Variants in SLCO1C1 observed in about 807,000 individuals in gnomAD.
SLCO1C1 encodes OAT-RP-5.
SLCO1C1 carries 70 observed loss-of-function variants against 76.4 expected under a neutral mutation model. That is an observed-to-expected ratio of 0.92 (90% CI 0.76 to 1.12). The LOEUF (loss-of-function observed/expected upper bound fraction) is 1.12. Among genes scored for constraint, SLCO1C1 ranks in the 50% most tolerant of loss-of-function variants. The probability of loss-of-function intolerance (pLI) is 0.00; values close to 1 mark genes in which losing one functional copy is unlikely to be tolerated. For synonymous variants in SLCO1C1, 306 were observed against 286.1 expected (o/e 1.07, Z -0.70); for missense variants, 912 against 823.8 (o/e 1.11, Z -1.31).
chr12:20,718,084 A>T (rs80095547), intron 7 of SLCO1C1, among the ~76,000 whole-genome samples: 3,615 of 152,274 alleles, frequency 0.024, 143 homozygotes, highest in African/African-American at 0.083. Flanking sequence ...ACTTTATGCC[A>T]GGTGCTATTC....
intron 9 of SLCO1C1, among the ~76,000 whole-genome samples, chr12:20,727,889 C>T (rs1262234991): frequency 6.6e-6 from 1 of 152,096 alleles, no homozygotes; most frequent in Non-Finnish European, 1.5e-5. Flanking sequence ...CTTGTTGTTT[C>T]GTTTAAGTTC....
chr12:20,705,334 G>T (rs1259124200), intron 3 of SLCO1C1, among the ~76,000 whole-genome samples: 2 of 151,842 alleles, frequency 1.3e-5, no homozygotes, highest in Non-Finnish European at 2.9e-5. Context: ...ATATGTTGAG[G>T]TTATATAATT....
intron 13 of SLCO1C1, among the ~76,000 whole-genome samples, chr12:20,743,746 T>C (rs1455828631): frequency 2.0e-5 from 3 of 152,042 alleles, no homozygotes; most frequent in African/African-American, 7.2e-5. Context: ...TTTCAGTTAT[T>C]AAAATGGAAA....
intron 13 of SLCO1C1, among the ~76,000 whole-genome samples, chr12:20,749,919 A>G (rs1472948170): frequency 6.6e-6 from 1 of 152,234 alleles, no homozygotes; most frequent in Non-Finnish European, 1.5e-5. Flanking sequence ...AATGTGAATA[A>G]GAGAAAATCA....
chr12:20,701,167 A>G, intron 2 of SLCO1C1, 151 bp from the exon 3 acceptor site: 1 of 721,708 alleles, frequency 1.4e-6, no homozygotes, highest in Non-Finnish European at 2.0e-6. Flanking sequence ...GGAAACCTCG[A>G]ACAGTGTTTG....
intron 12 of SLCO1C1, 126 bp from the exon 13 acceptor site, chr12:20,743,179 G>C: frequency 1.2e-6 from 1 of 809,442 alleles, no homozygotes; most frequent in Non-Finnish European, 2.0e-6. Context: ...GCACACCAAT[G>C]GGTTCAACAT....
At position 20,721,873 on chromosome 12, in the gene SLCO1C1, G is replaced by A; in HGVS notation, c.845G>A (p.Gly282Glu). Reference sequence around the variant, plus strand: ...TGGTGGCTTGGCTATCTAATAGCAGGAATCATAAGTCTTCTTGCAGCTGTG... The same window carrying A: ...TGGTGGCTTGGCTATCTAATAGCAGAAATCATAAGTCTTCTTGCAGCTGTG... ...GAWWLGYLIA[G>E]IISLLAAVPF... The change falls in exon 8 of 15, where the codon GGA (glycine) becomes GAA (glutamate). Residue 282 changes from glycine (G) to glutamate (E), a missense_variant. Physicochemically the swap from Gly to Glu is moderately conservative, Grantham distance 98. Coordinates refer to ENST00000266509, the MANE Select transcript of SLCO1C1 (RefSeq NM_017435.5). The A allele has an allele frequency of 6.2e-7, 1 of 1,614,128 alleles. No individual in the cohort carries two copies. The highest frequency in any genetic ancestry group is 8.5e-7 in the Non-Finnish European group (1 of 1,180,018).
At chr12:20,701,172 T>A in intron 2 of SLCO1C1, 146 bp from the exon 3 acceptor site, 1 of 741,538 alleles carries the variant, frequency 1.3e-6, no homozygotes. Flanking sequence ...CCTCGAACAG[T>A]GTTTGAATTA....
chr12:20,749,029 A>C (rs879717694), intron 13 of SLCO1C1, among the ~76,000 whole-genome samples: 1 of 152,234 alleles, frequency 6.6e-6, no homozygotes, highest in Non-Finnish European at 1.5e-5. Context: ...CCAAAATTTT[A>C]GCAGCCATCG....
chr12:20,742,584 A>AG (rs5796882), intron 12 of SLCO1C1, among the ~76,000 whole-genome samples: 65,858 of 151,448 alleles, frequency 0.43, 16,993 homozygotes, highest in South Asian at 0.63. Context: ...CCCAGGCTGG[A>AG]GGGCAGTGGC....
At chr12:20,698,305 A>G (rs1245274122) in intron 1 of SLCO1C1, among the ~76,000 whole-genome samples, 1 of 152,000 alleles carries the variant, frequency 6.6e-6, no homozygotes, top group East Asian at 1.9e-4. Flanking sequence ...AATTAAAGTT[A>G]TGAATGCTTA....
chr12:20,702,787 A>G (rs919706275), intron 3 of SLCO1C1, among the ~76,000 whole-genome samples: 1 of 151,868 alleles, frequency 6.6e-6, no homozygotes, highest in Non-Finnish European at 1.5e-5. Context: ...AGATAAAAGA[A>G]TAGAGCAGAT....
At chr12:20,705,014 G>C (rs1946706681) in intron 3 of SLCO1C1, among the ~76,000 whole-genome samples, 1 of 151,914 alleles carries the variant, frequency 6.6e-6, no homozygotes, top group South Asian at 2.1e-4. Context: ...CCTGACCTCA[G>C]ATCCATGGAA....
intron 5 of SLCO1C1, 79 bp from the exon 6 acceptor site, chr12:20,715,060 T>C (rs1359208114): frequency 6.5e-7 from 1 of 1,538,732 alleles, no homozygotes; most frequent in Non-Finnish European, 8.9e-7. Context: ...CAGTTTAAGA[T>C]ATACGGTAGA....
chr12:20,752,744 T>C lies in SLCO1C1; in HGVS notation c.*216T>C, dbSNP rs768012399. On this transcript the variant is annotated 3_prime_UTR_variant, in exon 15 of 15. Transcript: ENST00000266509. ...AACTAATTTTGAACTTTTTAATTTA[T>C]ATAAATTATTTTATATCACTTACTT... The C allele has an allele frequency of 9.0e-5, 31 of 343,954 alleles. No individual in the cohort carries two copies. Among genetic ancestry groups the C allele is most frequent in the Non-Finnish European group, 1.5e-4 (30 of 193,690 alleles). The allele number at this position is 343,954 out of a possible 1,614,324, so 21.3% of individuals were successfully genotyped here. A position where few individuals can be genotyped will look rare whatever the true frequency, so the allele number is the denominator to read the frequency against.
At chr12:20,723,560 T>C (rs1334416564) in intron 9 of SLCO1C1, among the ~76,000 whole-genome samples, 1 of 152,136 alleles carries the variant, frequency 6.6e-6, no homozygotes, top group Non-Finnish European at 1.5e-5. Flanking sequence ...CCATTTTACA[T>C]GAACAGTTTC....
At chr12:20,724,552 T>C (rs892379537) in intron 9 of SLCO1C1, among the ~76,000 whole-genome samples, 2 of 147,586 alleles carry the variant, frequency 1.4e-5, no homozygotes, top group Non-Finnish European at 3.0e-5. Flanking sequence ...GTCAAAACTT[T>C]TCCCCAAAGC....
At chr12:20,715,453 GACACC>G (rs1329998931) in intron 6 of SLCO1C1, among the ~76,000 whole-genome samples, 168 bp downstream of exon 6, 7 of 152,156 alleles carry the variant, frequency 4.6e-5, no homozygotes, top group African/African-American at 1.7e-4. Flanking sequence ...GGATGATGAA[GACACC>G]ATAGTTAGAG....
chr12:20,699,764 C>CTA lies in SLCO1C1; in HGVS notation c.129+64_129+65dup, dbSNP rs909355405. ...TCTTAGTTTTCTGTCCAGATATCAT[C>CTA]TATATAATGAAGTTAGAATGAGAAT... On this transcript the variant is annotated intron_variant, in intron 2 of 14. Transcript: ENST00000266509. 2.6e-5 allele frequency: 38 copies of CTA among 1,466,796 alleles called. No individual in the cohort carries two copies. The African/African-American group carries it at 5.6e-4, about 21-fold the overall frequency. 90.9% of individuals were successfully genotyped at this position (1,466,796 alleles called of 1,614,324 possible). A position where few individuals can be genotyped will look rare whatever the true frequency, so the allele number is the denominator to read the frequency against.
Sources: allele counts gnomAD v4.1 joint callset (sites outside exome capture counted in the v4.1 genomes callset), GRCh38; gene constraint gnomAD v4.1.1; transcripts MANE v1.5; gene names NCBI Gene and HGNC (gene_info 2026-07-23, HGNC 2026-07-21).